Variants in MEMO1 observed in about 807,000 individuals in gnomAD.
MEMO1 encodes the protein mediator of cell motility 1, also known as protein MEMO1.
A neutral mutation model predicts 45.2 loss-of-function variants in MEMO1; 6 were observed. The observed-to-expected ratio is 0.13, with a 90% CI of 0.07 to 0.26. MEMO1 has a LOEUF of 0.26. Among genes scored for constraint, MEMO1 ranks in the 10% least tolerant of loss-of-function variants. The pLI, the probability that MEMO1 is intolerant of heterozygous loss-of-function variation, is 1.00. For synonymous variants in MEMO1, 78 were observed against 124.3 expected (o/e 0.63, Z 2.48); for missense variants, 184 against 370.5 (o/e 0.50, Z 4.13).
chr2:31,901,453 C>A (rs1321067318), intron 6 of MEMO1, among the ~76,000 whole-genome samples: 1 of 149,858 alleles, frequency 6.7e-6, no homozygotes, highest in Non-Finnish European at 1.5e-5. Context: ...AAAACAGTAT[C>A]CTAAGTGAAA....
chr2:31,949,119 G>A (rs952270082), intron 2 of MEMO1, among the ~76,000 whole-genome samples: 7 of 152,090 alleles, frequency 4.6e-5, no homozygotes, highest in African/African-American at 1.7e-4. Context: ...AACAAATGCT[G>A]GCAAAGAGAT....
intron 9 of MEMO1, among the ~76,000 whole-genome samples, chr2:31,869,386 T>C (rs1416033723): frequency 6.6e-6 from 1 of 152,138 alleles, no homozygotes; most frequent in African/African-American, 2.4e-5. Context: ...ATTCCTTAAC[T>C]GAAATAAACA....
chr2:31,957,681 A>G (rs1311691969), intron 2 of MEMO1, among the ~76,000 whole-genome samples: 1 of 152,268 alleles, frequency 6.6e-6, no homozygotes, highest in Non-Finnish European at 1.5e-5. Context: ...CAGTCAAGAC[A>G]TGAAACACCT....
At chr2:31,877,842 A>T (rs1035869384) in intron 8 of MEMO1, among the ~76,000 whole-genome samples, 6 of 152,158 alleles carry the variant, frequency 3.9e-5, no homozygotes, top group African/African-American at 1.4e-4. Context: ...TACATGTTAC[A>T]GTTAGGAAAG....
chr2:31,981,639 G>A (rs962804250), intron 2 of MEMO1, among the ~76,000 whole-genome samples: 1 of 152,144 alleles, frequency 6.6e-6, no homozygotes, highest in African/African-American at 2.4e-5. Context: ...GTTAATACAA[G>A]GGAAACTCAT....
intron 2 of MEMO1, among the ~76,000 whole-genome samples, chr2:31,966,714 C>A (rs1442112256): frequency 2.9e-5 from 3 of 105,226 alleles, no homozygotes; most frequent in East Asian, 2.5e-4. Context: ...GCCTGGGTAA[C>A]AGAGCAAGAC....
At chr2:31,953,385 A>C (rs887607002) in intron 2 of MEMO1, among the ~76,000 whole-genome samples, 7 of 150,180 alleles carry the variant, frequency 4.7e-5, no homozygotes, top group Non-Finnish European at 8.9e-5. Flanking sequence ...AAAAAAAAAA[A>C]CACAATTATT....
chr2:31,903,748 T>TA (rs1679235385), intron 6 of MEMO1, among the ~76,000 whole-genome samples: 1 of 152,010 alleles, frequency 6.6e-6, no homozygotes, highest in South Asian at 2.1e-4. Context: ...AAACCAAAAA[T>TA]AAAAAAATTT....
chr2:31,884,930 T>C (rs1675960532), intron 7 of MEMO1, among the ~76,000 whole-genome samples: 1 of 150,262 alleles, frequency 6.7e-6, no homozygotes, highest in South Asian at 2.1e-4. Context: ...CTATAGTCTT[T>C]GAACTAAAAA....
chr2:31,967,691 A>C (rs1668799931), intron 2 of MEMO1, among the ~76,000 whole-genome samples: 1 of 151,398 alleles, frequency 6.6e-6, no homozygotes, highest in Non-Finnish European at 1.5e-5. Flanking sequence ...TGATCCATCC[A>C]GCTTGGCCTC....
At chr2:31,949,188 G>A (rs1464421835) in intron 2 of MEMO1, among the ~76,000 whole-genome samples, 3 of 152,164 alleles carry the variant, frequency 2.0e-5, no homozygotes, top group Non-Finnish European at 4.4e-5. Context: ...CAACCACTAT[G>A]GAGAACAGTT....
intron 2 of MEMO1, among the ~76,000 whole-genome samples, chr2:31,974,030 C>T (rs1193277718): frequency 6.6e-6 from 1 of 152,090 alleles, no homozygotes; most frequent in Non-Finnish European, 1.5e-5. Context: ...TATAGGAGTT[C>T]ATAAGTGTGA....
intron 2 of MEMO1, among the ~76,000 whole-genome samples, chr2:32,008,828 A>G (rs1173007906): frequency 6.6e-6 from 1 of 152,220 alleles, no homozygotes; most frequent in African/African-American, 2.4e-5. Flanking sequence ...GAAAATCTTC[A>G]GTGAGTCATG....
intron 2 of MEMO1, among the ~76,000 whole-genome samples, chr2:31,979,766 A>T (rs1670424446): frequency 6.6e-6 from 1 of 152,212 alleles, no homozygotes; most frequent in South Asian, 2.1e-4. Context: ...GCTTTAGTTG[A>T]TGATTGTCAG....
intron 4 of MEMO1, among the ~76,000 whole-genome samples, chr2:31,924,098 A>G (rs928752611): frequency 1.3e-5 from 2 of 152,188 alleles, no homozygotes; most frequent in Non-Finnish European, 2.9e-5. Flanking sequence ...AGTCCCCTCA[A>G]TATAAAACCC....
rs369335608 is a variant in MEMO1, at chr2:31,956,163, T to C, written c.62-12780A>G. ...CAAATTCAGCTAGCATATTTCTTTTTTCTTCATTTTTTGGAGTTTACAATT... is the reference window on the plus strand; with the variant it reads ...CAAATTCAGCTAGCATATTTCTTTTCTCTTCATTTTTTGGAGTTTACAATT... On this transcript the variant is annotated intron_variant, in intron 2 of 9. Transcript: ENST00000404530. Among the ~76,000 whole-genome samples the C allele has an allele frequency of 2.8e-4, 42 of 152,316 alleles. No homozygotes were observed. The South Asian group carries it at 7.5e-3, about 27-fold the overall frequency.
chr2:32,002,303 A>G (rs1418208825), intron 2 of MEMO1, among the ~76,000 whole-genome samples: 2 of 148,572 alleles, frequency 1.3e-5, no homozygotes, highest in African/African-American at 2.5e-5. Flanking sequence ...ATATACATAT[A>G]CATATATACA....
At position 31,969,365 on chromosome 2, in the gene MEMO1, GTA is replaced by G. The variant is rs1233058447; in HGVS notation, c.62-25984_62-25983del. ...CACATTATACATATATATGTTACGT[GTA>G]TATATATACACATGTGTATATATAT... is the stretch of plus-strand genomic sequence containing the variant. On this transcript the variant is annotated intron_variant, in intron 2 of 9. Transcript: ENST00000404530. 1.2e-3 allele frequency among the ~76,000 whole-genome samples: 186 copies of G among 149,260 alleles called. 1 individual carries two copies. Among genetic ancestry groups the G allele is most frequent in the African/African-American group, 4.2e-3 (172 of 40,536 alleles).
chr2:31,895,622 A>T lies in MEMO1; in HGVS notation c.438-3488T>A, dbSNP rs1677656004. Among the ~76,000 whole-genome samples the T allele has an allele frequency of 2.0e-5, 3 of 152,178 alleles. 1 individual carries two copies. Among genetic ancestry groups the T allele is most frequent in the Non-Finnish European group, 4.4e-5 (3 of 68,028 alleles). On this transcript the variant is annotated intron_variant, in intron 6 of 9. Transcript: ENST00000404530. ...AGAGCATTGGAGACTTGTAAACAAC[A>T]TCAAGCATACCAGCATGTATATAAT...
Sources: allele counts gnomAD v4.1 joint callset (sites outside exome capture counted in the v4.1 genomes callset), GRCh38; gene constraint gnomAD v4.1.1; transcripts MANE v1.5; gene names NCBI Gene and HGNC (gene_info 2026-07-23, HGNC 2026-07-21).